The following EPM2A variants were observed in gnomAD, a reference collection of about 807,000 sequenced individuals.
The protein encoded by EPM2A is laforin.
Under a neutral mutation model 26.5 loss-of-function variants are expected in EPM2A, and 21 were observed. The observed-to-expected ratio is 0.79, with a 90% confidence interval of 0.56 to 1.14. The LOEUF is 1.14. Ranked by LOEUF, EPM2A falls within the 50% of genes most tolerant of loss-of-function variation. EPM2A has a pLI of 0.00. For missense variants in EPM2A, 458 were observed against 440.8 expected, an observed-to-expected ratio of 1.04 and a Z score of -0.35; for synonymous variants, 217 against 177.6, an observed-to-expected ratio of 1.22 and a Z score of -1.76.
intron 2 of EPM2A, among the ~76,000 whole-genome samples, chr6:145,600,871 G>T (rs1781408331): frequency 1.3e-5 from 2 of 152,298 alleles, no homozygotes; most frequent in Middle Eastern, 6.8e-3. Context: ...TTCATGGATG[G>T]CTTCACCTGT....
upstream of EPM2A, chr6:145,735,540 G>T: frequency 8.6e-7 from 1 of 1,158,972 alleles, no homozygotes; most frequent in Non-Finnish European, 1.1e-6. Context: ...CGGAGTCCCC[G>T]CGGCCGGCAG....
chr6:145,485,349 A>C (rs1216035367), intron 4 of EPM2A, among the ~76,000 whole-genome samples: 1 of 152,154 alleles, frequency 6.6e-6, no homozygotes, highest in Non-Finnish European at 1.5e-5. Flanking sequence ...ACTATAAACC[A>C]GATTCGGGCT....
intron 1 of EPM2A, among the ~76,000 whole-genome samples, chr6:145,728,224 T>C (rs1034837508): frequency 6.6e-6 from 1 of 152,178 alleles, no homozygotes; most frequent in Non-Finnish European, 1.5e-5. Flanking sequence ...AGAAAACTGG[T>C]TCTGGGAAGA....
At chr6:145,622,959 C>A (rs116750015), downstream of EPM2A, among the ~76,000 whole-genome samples, 2 of 152,200 alleles carry the variant, frequency 1.3e-5, no homozygotes, top group East Asian at 3.8e-4. Flanking sequence ...ATAAGTTCAC[C>A]TTCTCTCTAT....
intron 2 of EPM2A, among the ~76,000 whole-genome samples, chr6:145,571,939 T>C (rs554972333): frequency 1.3e-5 from 2 of 152,308 alleles, no homozygotes; most frequent in Middle Eastern, 6.8e-3. Context: ...TCTTCACAGT[T>C]TTGTACCACT....
At position 145,735,463 on chromosome 6, in the gene EPM2A, G is replaced by T; in HGVS notation, c.36C>A (p.Ala12=). 1 of 1,227,932 alleles carries T rather than the reference G, an allele frequency of 8.1e-7. No homozygotes were observed. Among genetic ancestry groups the T allele is most frequent in the South Asian group, 3.1e-5 (1 of 32,118 alleles). 76.1% of individuals were successfully genotyped at this position (1,227,932 alleles called of 1,614,324 possible). The change falls in exon 1 of 4, where the codon GCC becomes GCA. Residue 12 remains alanine (A), a synonymous_variant. Coordinates refer to ENST00000367519, the MANE Select transcript of EPM2A (RefSeq NM_005670.4). The part of the protein sequence containing the change: ...RFRFGVVVPP[A]VAGARPELLV... ...GCAGCTCCGGCCGGGCGCCGGCCAC[G>T]GCGGGTGGCACCACCACCCCAAAGC...
At chr6:145,569,078 A>G (rs1448305861) in intron 2 of EPM2A, among the ~76,000 whole-genome samples, 2 of 152,210 alleles carry the variant, frequency 1.3e-5, no homozygotes, top group Admixed American at 6.5e-5. Context: ...AATTCACACC[A>G]CTTTAAACGC....
intron 4 of EPM2A, among the ~76,000 whole-genome samples, chr6:145,429,157 T>G (rs1359197913): frequency 6.6e-6 from 1 of 152,206 alleles, no homozygotes; most frequent in East Asian, 1.9e-4. Context: ...AATACTCTCT[T>G]TATCCCCAGC....
At chr6:145,538,502 A>T (rs531296048) in intron 2 of EPM2A, among the ~76,000 whole-genome samples, 2 of 152,322 alleles carry the variant, frequency 1.3e-5, no homozygotes, top group African/African-American at 4.8e-5. Context: ...TCACTTATCA[A>T]TGACAAAGCT....
intron 2 of EPM2A, among the ~76,000 whole-genome samples, chr6:145,573,821 T>C (rs4896820): frequency 0.48 from 72,940 of 151,680 alleles, 18,404 homozygotes; most frequent in African/African-American, 0.63. Context: ...CCGCTGGACT[T>C]ACTGTAAGTC....
At position 145,627,810 on chromosome 6, in the gene EPM2A, G is replaced by A. The variant is rs986127092; in HGVS notation, c.719-117C>T. ...GCTGCACAGGGCCAGGCAGGGATAC[G>A]AGAGTTTGCTTTCTTTCTGCATTGT... On this transcript the variant is annotated intron_variant, in intron 3 of 3. Transcript: ENST00000367519. The A allele has an allele frequency of 7.7e-6, 11 of 1,425,186 alleles. No homozygotes were observed. In the African/African-American group the frequency reaches 8.5e-5, roughly 11 times the overall value. 88.3% of individuals were successfully genotyped at this position (1,425,186 alleles called of 1,614,324 possible).
intron 3 of EPM2A, 107 bp from the exon 4 acceptor site, chr6:145,627,800 G>A: frequency 3.4e-6 from 5 of 1,479,422 alleles, no homozygotes; most frequent in East Asian, 2.4e-5. Flanking sequence ...ACAGGGCCAG[G>A]CAGGGATACG....
At chr6:145,577,585 C>CT (rs1781051763) in intron 2 of EPM2A, among the ~76,000 whole-genome samples, 2 of 151,218 alleles carry the variant, frequency 1.3e-5, no homozygotes, top group African/African-American at 4.9e-5. Flanking sequence ...TAGACCCCCC[C>CT]CCAATACAAT....
At chr6:145,403,854 T>A (rs980591130) in intron 4 of EPM2A, among the ~76,000 whole-genome samples, 1 of 152,196 alleles carries the variant, frequency 6.6e-6, no homozygotes, top group South Asian at 2.1e-4. Context: ...TATTCCCTAG[T>A]GGTTGTACTA....
At chr6:145,389,344 C>A (rs2114655918) in intron 4 of EPM2A, among the ~76,000 whole-genome samples, 1 of 152,118 alleles carries the variant, frequency 6.6e-6, no homozygotes, top group South Asian at 2.1e-4. Flanking sequence ...CACCCACCAC[C>A]ATGCTTGGCT....
At chr6:145,692,407 G>A (rs1055124321) in intron 1 of EPM2A, among the ~76,000 whole-genome samples, 1 of 151,894 alleles carries the variant, frequency 6.6e-6, no homozygotes, top group Non-Finnish European at 1.5e-5. Context: ...ATAGCAGAAT[G>A]CACATGTTCA....
At chr6:145,629,259 AT>A (rs1257777863) in intron 3 of EPM2A, 1 of 152,232 alleles carries the variant, frequency 6.6e-6, no homozygotes, top group African/African-American at 2.4e-5. Context: ...CCCCAAGGGC[AT>A]TTGTATTAGA....
At chr6:145,711,723 TG>T (rs1775338867) in intron 1 of EPM2A, among the ~76,000 whole-genome samples, 1 of 152,140 alleles carries the variant, frequency 6.6e-6, no homozygotes, top group African/African-American at 2.4e-5. Flanking sequence ...TTAAATCAAA[TG>T]TTTTTTAGAA....
rs9497358 is a variant in EPM2A at position 145,593,177 on chromosome 6, T to G, written c.340+42068A>C. Among the ~76,000 whole-genome samples, 1,291 of 151,960 alleles carry G rather than the reference T, an allele frequency of 8.5e-3. 19 individuals are homozygous for G. Among genetic ancestry groups the G allele is most frequent in the African/African-American group, 0.03 (1,236 of 41,458 alleles). On this transcript the variant is annotated intron_variant, in intron 2 of 3. Coordinates refer to the EPM2A transcript ENST00000450221. The stretch of plus-strand genomic sequence containing the variant: ...TATATTAATTTCAAACAAAGCAAAC[T>G]TCAGAACAAGAAAAATTTTCAAGGA...
Sources: gnomAD v4.1 joint callset for allele counts (sites outside exome capture counted in the v4.1 genomes callset) on GRCh38, gnomAD v4.1.1 for gene constraint, MANE v1.5 for transcripts, NCBI Gene and HGNC (gene_info 2026-07-23, HGNC 2026-07-21) for gene names.